The following CRPPA variants were observed in gnomAD, a reference collection of about 807,000 sequenced individuals.
CRPPA encodes the protein D-ribitol-5-phosphate cytidylyltransferase.
CRPPA carries 43 observed loss-of-function variants against 52.0 expected under a neutral mutation model. The observed-to-expected ratio is 0.83, with a 90% confidence interval of 0.65 to 1.07. The LOEUF (loss-of-function observed/expected upper bound fraction) is 1.07. CRPPA is among the 50% of genes least tolerant of loss of function. CRPPA has a pLI of 0.00. For missense variants in CRPPA, 629 were observed against 551.7 expected (o/e 1.14, Z -1.40); for synonymous variants, 250 against 203.5 (o/e 1.23, Z -1.94).
At chr7:16,209,796 GT>G (rs1157983194) in intron 9 of CRPPA, among the ~76,000 whole-genome samples, 3 of 152,162 alleles carry the variant, frequency 2.0e-5, no homozygotes, top group African/African-American at 7.2e-5. Flanking sequence ...AAAAATTTAA[GT>G]TTGGTATCTA....
rs551707820 is a variant in CRPPA, at chr7:16,175,081, CA to C, written c.1251+40984del. On this transcript the variant is annotated intron_variant, in intron 9 of 9. Coordinates refer to ENST00000407010, the MANE Select transcript of CRPPA (RefSeq NM_001101426.4). The stretch of plus-strand genomic sequence containing the variant: ...CAGTGGAAATGTACTGTACTTTAGG[CA>C]GTCCATGGGAACCAATGAAAATGGT... 2.9e-3 allele frequency among the ~76,000 whole-genome samples: 443 copies of C among 152,232 alleles called. 3 individuals carry two copies. Among genetic ancestry groups the C allele is most frequent in the African/African-American group, 0.01 (426 of 41,540 alleles).
chr7:16,379,292 AT>A (rs1443820389), intron 2 of CRPPA, among the ~76,000 whole-genome samples: 1 of 152,150 alleles, frequency 6.6e-6, no homozygotes, highest in Non-Finnish European at 1.5e-5. Context: ...CAAAGATCAG[AT>A]AGTTGTAGAT....
chr7:16,117,372 T>A (rs537661855), intron 9 of CRPPA, among the ~76,000 whole-genome samples: 35 of 152,300 alleles, frequency 2.3e-4, no homozygotes, highest in Non-Finnish European at 4.7e-4. Context: ...GAACTCTGGG[T>A]AGACGAGCCT....
chr7:16,208,064 A>C (rs966325469), intron 9 of CRPPA, among the ~76,000 whole-genome samples: 1 of 152,150 alleles, frequency 6.6e-6, no homozygotes, highest in African/African-American at 2.4e-5. Context: ...CAACTTTCTC[A>C]ATTGCAACAA....
chr7:16,169,821 G>T (rs1454346533), intron 9 of CRPPA, among the ~76,000 whole-genome samples: 2 of 152,102 alleles, frequency 1.3e-5, no homozygotes, highest in Non-Finnish European at 2.9e-5. Flanking sequence ...TGACTACTTA[G>T]ACAATGGAAA....
rs189826858 is a variant in CRPPA at position 16,104,465 on chromosome 7, A to G, written c.1252-12666T>C. 3.7e-4 allele frequency among the ~76,000 whole-genome samples: 57 copies of G among 152,370 alleles called. No homozygotes were observed. The East Asian group carries it at 9.6e-3, about 26-fold the overall frequency. The stretch of plus-strand genomic sequence containing the variant: ...CTCTGAAATGATGCTTTTGAGTACA[A>G]CTAGAAAACATGTTACATATTTTCT... On this transcript the variant is annotated intron_variant, in intron 9 of 9. Coordinates refer to ENST00000407010, the MANE Select transcript of CRPPA (RefSeq NM_001101426.4).
chr7:16,128,891 C>T (rs1782630593), intron 9 of CRPPA, among the ~76,000 whole-genome samples: 3 of 151,860 alleles, frequency 2.0e-5, no homozygotes, highest in Admixed American at 1.3e-4. Flanking sequence ...GCAAATGATC[C>T]CAATAACAGA....
At chr7:16,139,786 C>T (rs1782832604) in intron 9 of CRPPA, among the ~76,000 whole-genome samples, 1 of 152,216 alleles carries the variant, frequency 6.6e-6, no homozygotes, top group Non-Finnish European at 1.5e-5. Flanking sequence ...AACTCTGCCA[C>T]ATGATTTAAG....
At chr7:16,224,782 G>T (rs922524976) in intron 8 of CRPPA, among the ~76,000 whole-genome samples, 3 of 152,086 alleles carry the variant, frequency 2.0e-5, no homozygotes, top group Non-Finnish European at 1.5e-5. Context: ...GATTAGAAAA[G>T]ATTTTAGAAA....
intron 8 of CRPPA, among the ~76,000 whole-genome samples, chr7:16,250,177 C>T (rs896163765): frequency 6.6e-6 from 1 of 152,052 alleles, no homozygotes; most frequent in Admixed American, 6.6e-5. Flanking sequence ...TTAGAGAAAA[C>T]AGAGTGAAAA....
intron 9 of CRPPA, among the ~76,000 whole-genome samples, chr7:16,113,011 C>T (rs138290152): frequency 1.8e-3 from 269 of 151,784 alleles, no homozygotes; most frequent in African/African-American, 6.0e-3. Flanking sequence ...AATTTTCAGG[C>T]ACAAAATACC....
chr7:16,229,925 T>G (rs1320863773), intron 8 of CRPPA, among the ~76,000 whole-genome samples: 3 of 146,128 alleles, frequency 2.1e-5, no homozygotes, highest in South Asian at 2.1e-4. Flanking sequence ...TGGCTGACAG[T>G]TTTTTTTCCC....
chr7:16,260,312 C>G (rs1172138522), intron 6 of CRPPA, among the ~76,000 whole-genome samples: 1 of 152,018 alleles, frequency 6.6e-6, no homozygotes, highest in Non-Finnish European at 1.5e-5. Context: ...ATCTCTCTCT[C>G]TCTGGATTAG....
At chr7:16,329,466 T>C (rs1170406800) in intron 3 of CRPPA, among the ~76,000 whole-genome samples, 2 of 152,200 alleles carry the variant, frequency 1.3e-5, no homozygotes, top group Admixed American at 6.5e-5. Context: ...GAATTTTTCA[T>C]CTGAAACTGG....
intron 5 of CRPPA, among the ~76,000 whole-genome samples, chr7:16,294,239 T>G (rs990079417): frequency 1.2e-4 from 18 of 151,932 alleles, no homozygotes; most frequent in African/African-American, 3.9e-4. Context: ...TTTTTTGGGT[T>G]TTTTTTAACT....
At chr7:16,230,390 G>T (rs1782761709) in intron 8 of CRPPA, among the ~76,000 whole-genome samples, 1 of 151,746 alleles carries the variant, frequency 6.6e-6, no homozygotes, top group Admixed American at 6.6e-5. Context: ...GGCCAATTCT[G>T]CTGTTGATGC....
At chr7:16,351,752 G>C (rs1786160050) in intron 3 of CRPPA, among the ~76,000 whole-genome samples, 1 of 152,164 alleles carries the variant, frequency 6.6e-6, no homozygotes, top group South Asian at 2.1e-4. Context: ...TCATTAAAAA[G>C]TCAGGAAACA....
At chr7:16,391,919 A>G (rs574164745) in intron 2 of CRPPA, among the ~76,000 whole-genome samples, 1 of 152,318 alleles carries the variant, frequency 6.6e-6, no homozygotes, top group East Asian at 1.9e-4. Context: ...GATATTTTAT[A>G]CAGCAGCAGC....
chr7:16,098,766 G>A (rs1004937445), intron 9 of CRPPA, among the ~76,000 whole-genome samples: 2 of 152,056 alleles, frequency 1.3e-5, no homozygotes, highest in African/African-American at 4.8e-5. Context: ...AACCTAACGG[G>A]GGCACACTGT....
Sources: allele counts gnomAD v4.1 joint callset (sites outside exome capture counted in the v4.1 genomes callset), GRCh38; gene constraint gnomAD v4.1.1; transcripts MANE v1.5; gene names NCBI Gene and HGNC (gene_info 2026-07-23, HGNC 2026-07-21).